The following BCL2 variants were observed in gnomAD, a reference collection of about 807,000 sequenced individuals.
BCL2 encodes apoptosis regulator Bcl-2.
Under a neutral mutation model 14.2 loss-of-function variants are expected in BCL2, and 1 was observed. That is an observed-to-expected ratio of 0.07 (90% confidence interval 0.02 to 0.33). The LOEUF is 0.33. BCL2 is among the 10% of genes least tolerant of loss of function. The pLI is 0.99. For missense variants in BCL2, 247 were observed against 305.9 expected, an observed-to-expected ratio of 0.81 and a Z score of 1.44; for synonymous variants, 151 against 137.2, an observed-to-expected ratio of 1.10 and a Z score of -0.70.
intron 2 of BCL2, among the ~76,000 whole-genome samples, chr18:63,258,553 G>A (rs1911552647): frequency 6.6e-6 from 1 of 152,182 alleles, no homozygotes; most frequent in Non-Finnish European, 1.5e-5. Flanking sequence ...TCTATGTGAT[G>A]TTATCAGAAC....
chr18:63,153,756 G>C (rs1380070404), intron 2 of BCL2, among the ~76,000 whole-genome samples: 1 of 152,130 alleles, frequency 6.6e-6, no homozygotes, highest in East Asian at 1.9e-4. Context: ...TAAGCCATGA[G>C]GTCCCCACCT....
chr18:63,296,831 A>G lies in BCL2; in HGVS notation c.585+21251T>C, dbSNP rs1013756526. On this transcript the variant is annotated intron_variant, in intron 2 of 2. Transcript: ENST00000333681. ...AGGAAAGGTCTTTCTATCCTCCTAT[A>G]TAGTAATATCCAACTATGGGAATAA... Among the ~76,000 whole-genome samples, 6 of 152,352 alleles carry G rather than the reference A, an allele frequency of 3.9e-5. No homozygotes were observed. In the South Asian group the frequency reaches 8.3e-4, roughly 21 times the overall value.
intron 2 of BCL2, among the ~76,000 whole-genome samples, chr18:63,247,577 G>C (rs987737292): frequency 1.3e-5 from 2 of 152,172 alleles, no homozygotes; most frequent in African/African-American, 4.8e-5. Context: ...GGAAGAACCA[G>C]AAAAACATCA....
chr18:63,144,150 C>T (rs971164417), intron 2 of BCL2, among the ~76,000 whole-genome samples: 2 of 152,170 alleles, frequency 1.3e-5, no homozygotes, highest in Non-Finnish European at 1.5e-5. Context: ...GTATAATTGG[C>T]GCTAACTTTG....
intron 2 of BCL2, among the ~76,000 whole-genome samples, chr18:63,183,737 A>T (rs559296300): frequency 6.6e-6 from 1 of 152,246 alleles, no homozygotes; most frequent in East Asian, 1.9e-4. Flanking sequence ...GCTTAAACAG[A>T]TGTCTGAGAA....
At chr18:63,148,507 T>C (rs1331491257) in intron 2 of BCL2, among the ~76,000 whole-genome samples, 1 of 152,222 alleles carries the variant, frequency 6.6e-6, no homozygotes, top group East Asian at 1.9e-4. Context: ...TAATCCTTAA[T>C]CTTTCTGGCT....
intron 2 of BCL2, among the ~76,000 whole-genome samples, chr18:63,157,728 C>T (rs550534945): frequency 6.6e-6 from 1 of 152,174 alleles, no homozygotes; most frequent in Non-Finnish European, 1.5e-5. Context: ...AGACCTTCCT[C>T]CTAATTCAGG....
chr18:63,301,815 T>C (rs778327550), intron 2 of BCL2, among the ~76,000 whole-genome samples: 20 of 152,140 alleles, frequency 1.3e-4, no homozygotes, highest in Non-Finnish European at 2.4e-4. Context: ...CCAAATCTAC[T>C]CTTCCCTTCT....
chr18:63,234,132 G>A (rs1363608251), intron 2 of BCL2, among the ~76,000 whole-genome samples: 1 of 152,016 alleles, frequency 6.6e-6, no homozygotes, highest in African/African-American at 2.4e-5. Flanking sequence ...GGATGTGCAG[G>A]TTAGTTACAT....
chr18:63,285,765 G>A (rs930304414), intron 2 of BCL2, among the ~76,000 whole-genome samples: 18 of 152,210 alleles, frequency 1.2e-4, no homozygotes, highest in African/African-American at 4.3e-4. Context: ...GCATGGGGCT[G>A]GGGGTTCTGC....
intron 2 of BCL2, among the ~76,000 whole-genome samples, chr18:63,140,267 A>G (rs1271965509): frequency 6.6e-6 from 1 of 152,256 alleles, no homozygotes; most frequent in Non-Finnish European, 1.5e-5. Context: ...AAACAGAGTC[A>G]CCACATGACC....
intron 2 of BCL2, among the ~76,000 whole-genome samples, chr18:63,129,563 G>A (rs768043231): frequency 2.0e-4 from 30 of 152,142 alleles, no homozygotes; most frequent in Non-Finnish European, 3.8e-4. Flanking sequence ...AAAGGCATGC[G>A]CTTTCTCATC....
intron 2 of BCL2, among the ~76,000 whole-genome samples, chr18:63,230,958 T>C (rs1910672356): frequency 6.6e-6 from 1 of 152,038 alleles, no homozygotes; most frequent in Non-Finnish European, 1.5e-5. Flanking sequence ...AAATATATAG[T>C]ATTTCTTTAA....
intron 2 of BCL2, among the ~76,000 whole-genome samples, chr18:63,179,132 CTG>C (rs1491081648): frequency 1.3e-5 from 2 of 152,190 alleles, no homozygotes; most frequent in African/African-American, 2.4e-5. Context: ...TGCCCAATGG[CTG>C]TTTTAACCTA....
chr18:63,125,425 G>C lies in BCL2; in HGVS notation c.*3200C>G, dbSNP rs1188387529. The C allele has an allele frequency of 4.5e-6, 1 of 221,966 alleles. No homozygotes were observed. The highest frequency in any genetic ancestry group is 5.8e-5 in the Admixed American group (1 of 17,342). 13.7% of individuals were successfully genotyped at this position (221,966 alleles called of 1,614,324 possible). On this transcript the variant is annotated 3_prime_UTR_variant, in exon 3 of 3. Coordinates refer to ENST00000333681, the MANE Select transcript of BCL2 (RefSeq NM_000633.3). ...CTCTCTTGCGGAGTATTTGTGCAGC[G>C]AGGGACTGGGAGGGCCGAGGAGGTT...
chr18:63,295,391 C>A (rs1043992473), intron 2 of BCL2, among the ~76,000 whole-genome samples: 20 of 152,108 alleles, frequency 1.3e-4, no homozygotes, highest in African/African-American at 4.8e-4. Flanking sequence ...TTGCCATAGA[C>A]CTCAGTGCCC....
intron 2 of BCL2, among the ~76,000 whole-genome samples, chr18:63,296,281 G>C (rs1414477545): frequency 6.6e-6 from 1 of 152,148 alleles, no homozygotes; most frequent in Non-Finnish European, 1.5e-5. Flanking sequence ...GGTCCAGCCT[G>C]GCAAGAGTTA....
intron 2 of BCL2, among the ~76,000 whole-genome samples, chr18:63,173,573 G>T: frequency 6.6e-6 from 1 of 152,194 alleles, no homozygotes; most frequent in Non-Finnish European, 1.5e-5. Context: ...TCCTATTTTG[G>T]TTGCTCTAAA....
At chr18:63,257,822 C>T (rs1568249492) in intron 2 of BCL2, among the ~76,000 whole-genome samples, 1 of 152,066 alleles carries the variant, frequency 6.6e-6, no homozygotes, top group Admixed American at 6.6e-5. Context: ...AGGGACGGAG[C>T]ATGGAGAGGG....
Sources: allele counts gnomAD v4.1 joint callset (sites outside exome capture counted in the v4.1 genomes callset), GRCh38; gene constraint gnomAD v4.1.1; transcripts MANE v1.5; gene names NCBI Gene and HGNC (gene_info 2026-07-23, HGNC 2026-07-21).